ASAP3: variants seen among roughly 807,000 people sequenced by gnomAD.
ASAP3 encodes arf-GAP with SH3 domain, ANK repeat and PH domain-containing protein 3.
Under a neutral mutation model 118.2 loss-of-function variants are expected in ASAP3, and 85 were observed. The observed-to-expected ratio is 0.72, with a 90% confidence interval of 0.60 to 0.86. The LOEUF (loss-of-function observed/expected upper bound fraction) is 0.86. Ranked by LOEUF, ASAP3 falls within the 40% of genes least tolerant of loss-of-function variation. ASAP3 has a pLI of 0.00. For synonymous variants in ASAP3, 432 were observed against 477.4 expected, an observed-to-expected ratio of 0.90 and a Z score of 1.24; for missense variants, 1,026 against 1,175.0, an observed-to-expected ratio of 0.87 and a Z score of 1.85.
rs745428268 is a variant in ASAP3 at position 23,436,698 on chromosome 1, C to A, written c.1477-44G>T. On this transcript the variant is annotated intron_variant, in intron 15 of 24. Transcript: ENST00000336689. The surrounding 1 kb of genome is among the most constrained non-coding windows in gnomAD (Gnocchi z 4.2). ...AGACGTGGGGCGGAGTAAGACCGGG[C>A]GGTTAAGCCTGCATAGGGTGGAGCT... 8 of 1,609,380 alleles carry A rather than the reference C, an allele frequency of 5.0e-6. No individual in the cohort carries two copies. Among genetic ancestry groups the A allele is most frequent in the South Asian group, 1.1e-5 (1 of 90,956 alleles).
intron 3 of ASAP3, among the ~76,000 whole-genome samples, chr1:23,454,340 C>T (rs189706842): frequency 2.0e-4 from 30 of 152,284 alleles, no homozygotes; most frequent in African/African-American, 7.2e-4. Flanking sequence ...GCACCTGATA[C>T]CACACCCAAC....
Position 23,436,900 on chromosome 1 carries a change from C to T in ASAP3, c.1476+11G>A. 1 of 1,610,022 alleles carries T rather than the reference C, an allele frequency of 6.2e-7. No individual in the cohort carries two copies. The highest frequency in any genetic ancestry group is 2.2e-5 in the East Asian group (1 of 44,800). On this transcript the variant is annotated intron_variant, in intron 15 of 24. Transcript: ENST00000336689. This position sits in a 1 kb window ranked among gnomAD's most constrained non-coding sequence, Gnocchi z 4.2. ...GCTTCTGGCCCCTTCCAGGCCCCGCCCCGCCCTCACCAACAACTCGGAGGG... is the reference window on the plus strand; with the variant it reads ...GCTTCTGGCCCCTTCCAGGCCCCGCTCCGCCCTCACCAACAACTCGGAGGG...
chr1:23,431,544 TC>T, intron 23 of ASAP3, 151 bp downstream of exon 23: 1 of 740,600 alleles, frequency 1.4e-6, no homozygotes, highest in Non-Finnish European at 2.1e-6. Context: ...GGGGAAGGGG[TC>T]CCAGGGTTCA....
chr1:23,464,554 G>A (rs1641700492), intron 1 of ASAP3, among the ~76,000 whole-genome samples: 1 of 149,706 alleles, frequency 6.7e-6, no homozygotes, highest in Admixed American at 6.8e-5. Context: ...CAGCTATTTG[G>A]GAGGCTGGGA....
intron 1 of ASAP3, among the ~76,000 whole-genome samples, chr1:23,482,670 C>G (rs1248176421): frequency 6.6e-6 from 1 of 152,160 alleles, no homozygotes; most frequent in Non-Finnish European, 1.5e-5. Context: ...TCTGCCTTGG[C>G]CGGCGCGGTG....
Position 23,482,838 on chromosome 1 carries a change from G to A in ASAP3, c.129+1167C>T, listed in dbSNP as rs552526798. 1.1e-4 allele frequency among the ~76,000 whole-genome samples: 16 copies of A among 151,978 alleles called. No individual in the cohort carries two copies. In the South Asian group the frequency reaches 3.3e-3, roughly 32 times the overall value. On this transcript the variant is annotated intron_variant, in intron 1 of 24. Transcript: ENST00000336689. ...GTAGTGGCGGGAGCCTGTAGTCCCAGCTACTCGGGAGGCTGAGGCAGGAGA... is the reference window on the plus strand; with the variant it reads ...GTAGTGGCGGGAGCCTGTAGTCCCAACTACTCGGGAGGCTGAGGCAGGAGA...
Position 23,442,535 on chromosome 1 carries a change from C to T in ASAP3, c.551G>A (p.Arg184Lys), listed in dbSNP as rs768029130. 1.4e-5 allele frequency: 22 copies of T among 1,614,156 alleles called. No individual in the cohort carries two copies. The highest frequency in any genetic ancestry group is 1.9e-5 in the Non-Finnish European group (22 of 1,180,014). ...IPGEVAQDMQ[R>K]ERRIFQLHMC... The stretch of plus-strand genomic sequence containing the variant: ...GTGCAGCTGGAAGATGCGCCGCTCT[C>T]TCTGCATGTCCTGGGCCACCTCCCC... Residue 184 changes from arginine to lysine, a missense_variant, in exon 6 of 25, where the codon AGA becomes AAA. Coordinates refer to ENST00000336689, the MANE Select transcript of ASAP3 (RefSeq NM_017707.4).
chr1:23,468,807 G>A (rs1641863870), intron 1 of ASAP3, among the ~76,000 whole-genome samples: 1 of 146,094 alleles, frequency 6.8e-6, no homozygotes, highest in South Asian at 2.2e-4. Flanking sequence ...GGAGGTGGGG[G>A]TTGTAGTGAG....
At chr1:23,462,197 G>A (rs1480370765) in intron 1 of ASAP3, among the ~76,000 whole-genome samples, 2 of 151,252 alleles carry the variant, frequency 1.3e-5, no homozygotes, top group African/African-American at 2.4e-5. Flanking sequence ...CTAATTTTTT[G>A]TATTTTTTAG....
intron 5 of ASAP3, among the ~76,000 whole-genome samples, chr1:23,450,259 AG>A (rs1039193933): frequency 6.6e-6 from 1 of 152,246 alleles, no homozygotes; most frequent in African/African-American, 2.4e-5. Context: ...AATTATGAGT[AG>A]GGACAAATAT....
intron 1 of ASAP3, among the ~76,000 whole-genome samples, chr1:23,476,391 C>G (rs1281306215): frequency 6.6e-6 from 1 of 151,986 alleles, no homozygotes; most frequent in Non-Finnish European, 1.5e-5. Context: ...GGGACACAAT[C>G]TTGAGCACTG....
chr1:23,484,428 G>GC (rs1166484045), upstream of ASAP3: 1 of 121,320 alleles, frequency 8.2e-6, no homozygotes, highest in African/African-American at 6.3e-5. Flanking sequence ...CACGCCCCCA[G>GC]CCCCTCACCG....
chr1:23,429,653 C>T lies in ASAP3; in HGVS notation c.*203G>A, dbSNP rs373095804. On this transcript the variant is annotated 3_prime_UTR_variant, in exon 25 of 25. Transcript: ENST00000336689. Reference sequence around the variant, plus strand: ...AGCGGGTAATGAGATAGGAAAGAACCGCCATCAGTCCTAACAGGGAAAGGC... The same window carrying T: ...AGCGGGTAATGAGATAGGAAAGAACTGCCATCAGTCCTAACAGGGAAAGGC... 4 of 511,598 alleles carry T rather than the reference C, an allele frequency of 7.8e-6. No individual in the cohort carries two copies. The highest frequency in any genetic ancestry group is 1.4e-5 in the Non-Finnish European group (4 of 291,252). The allele number at this position is 511,598 out of a possible 1,614,324, so 31.7% of individuals were successfully genotyped here.
chr1:23,457,760 G>A (rs922616694), intron 1 of ASAP3, among the ~76,000 whole-genome samples: 1 of 152,122 alleles, frequency 6.6e-6, no homozygotes. Flanking sequence ...TGATCCACCC[G>A]CTTCGGCCTC....
intron 23 of ASAP3, 128 bp from the exon 24 acceptor site, chr1:23,431,253 G>T: frequency 1.1e-6 from 1 of 917,324 alleles, no homozygotes; most frequent in Non-Finnish European, 1.7e-6. Flanking sequence ...AAGGCCCCCA[G>T]GCCAGGTCCA....
intron 5 of ASAP3, among the ~76,000 whole-genome samples, chr1:23,445,121 G>GA (rs1390419904): frequency 6.6e-6 from 1 of 152,024 alleles, no homozygotes; most frequent in Non-Finnish European, 1.5e-5. Flanking sequence ...TTGTGAATCT[G>GA]AAAAAAAGCA....
Position 23,433,420 on chromosome 1 carries a change from C to T in ASAP3, c.2127+5G>A. 1 of 1,614,186 alleles carries T rather than the reference C, an allele frequency of 6.2e-7. No individual in the cohort carries two copies. The highest frequency in any genetic ancestry group is 1.3e-5 in the African/African-American group (1 of 75,028). On this transcript the variant is annotated splice_donor_5th_base_variant and intron_variant, in intron 21 of 24. Transcript: ENST00000336689. ...AGAGGCCTGAGGGACAGGGCTGGGACCCACCTTCTCTTCCTCATCCTCCTC... is the reference window on the plus strand; with the variant it reads ...AGAGGCCTGAGGGACAGGGCTGGGATCCACCTTCTCTTCCTCATCCTCCTC...
intron 1 of ASAP3, among the ~76,000 whole-genome samples, chr1:23,464,061 G>C (rs927135916): frequency 6.6e-6 from 1 of 152,004 alleles, no homozygotes; most frequent in African/African-American, 2.4e-5. Context: ...AAAGCCAGGT[G>C]TGGCGGCTCC....
At chr1:23,472,588 A>G (rs1440049060) in intron 1 of ASAP3, among the ~76,000 whole-genome samples, 2 of 152,178 alleles carry the variant, frequency 1.3e-5, no homozygotes. Context: ...AAAACCTCCA[A>G]GGTACATAAG....
Sources: gnomAD v4.1 joint callset for allele counts (sites outside exome capture counted in the v4.1 genomes callset) on GRCh38, gnomAD v4.1.1 for gene constraint, Gnocchi (gnomAD v3.1) non-coding constraint, MANE v1.5 for transcripts, NCBI Gene and HGNC (gene_info 2026-07-23, HGNC 2026-07-21) for gene names.